Variants in VAT1L observed in about 807,000 individuals in gnomAD.
VAT1L encodes vesicle amine transport 1 like, also known as putative NADPH-dependent quinone oxidoreductase VAT1L.
A neutral mutation model predicts 44.1 loss-of-function variants in VAT1L; 34 were observed. The observed-to-expected ratio is 0.77, with a 90% CI of 0.59 to 1.03. VAT1L has a LOEUF of 1.03. Ranked by LOEUF, VAT1L falls within the 50% of genes least tolerant of loss-of-function variation. The pLI, the probability that VAT1L is intolerant of heterozygous loss-of-function variation, is 0.00. For synonymous variants in VAT1L, 253 were observed against 202.2 expected, an observed-to-expected ratio of 1.25 and a Z score of -2.13; for missense variants, 615 against 538.8, an observed-to-expected ratio of 1.14 and a Z score of -1.40.
At chr16:77,874,468 C>A (rs76505681) in intron 4 of VAT1L, among the ~76,000 whole-genome samples, 1 of 151,718 alleles carries the variant, frequency 6.6e-6, no homozygotes, top group Non-Finnish European at 1.5e-5. Context: ...CCAGCCCAAC[C>A]CGAAGCAAAC....
At chr16:77,806,845 G>T (rs566159390) in intron 1 of VAT1L, among the ~76,000 whole-genome samples, 39 of 152,070 alleles carry the variant, frequency 2.6e-4, no homozygotes, top group Non-Finnish European at 5.0e-4. Flanking sequence ...GTCCTTGGTG[G>T]CTCCAGGGAG....
intron 7 of VAT1L, among the ~76,000 whole-genome samples, chr16:77,904,379 A>C (rs982256873): frequency 6.6e-6 from 1 of 152,096 alleles, no homozygotes; most frequent in Non-Finnish European, 1.5e-5. Context: ...GAGTGGCTTA[A>C]ACAATAGAGA....
chr16:77,924,193 G>A (rs1329950410), intron 7 of VAT1L, among the ~76,000 whole-genome samples: 1 of 151,938 alleles, frequency 6.6e-6, no homozygotes, highest in Non-Finnish European at 1.5e-5. Context: ...GTCTTTGAAA[G>A]TCTGAAACTC....
chr16:77,955,729 C>A (rs2042986), intron 7 of VAT1L, among the ~76,000 whole-genome samples: 55,415 of 137,828 alleles, frequency 0.4, 11,665 homozygotes, highest in Non-Finnish European at 0.46. Flanking sequence ...TCCCCCCCCC[C>A]AAAAAAAAAA....
rs76192874 is a variant in VAT1L at position 77,968,251 on chromosome 16, A to G, written c.1078-3599A>G. Among the ~76,000 whole-genome samples, 1,364 of 152,224 alleles carry G rather than the reference A, an allele frequency of 9.0e-3. 22 individuals carry two copies. Among genetic ancestry groups the G allele is most frequent in the African/African-American group, 0.031 (1,295 of 41,516 alleles). ...GAAAGGGGTCCTGATCCAGACCCCA[A>G]GACAGGGCTCTTGGGTCTCACACAA... On this transcript the variant is annotated intron_variant, in intron 7 of 8. Coordinates refer to ENST00000302536, the MANE Select transcript of VAT1L (RefSeq NM_020927.3).
chr16:77,869,551 C>T (rs1466138985), intron 4 of VAT1L, among the ~76,000 whole-genome samples: 1 of 152,176 alleles, frequency 6.6e-6, no homozygotes, highest in Admixed American at 6.5e-5. Context: ...CACCTGTAGT[C>T]CCAGCTACTT....
chr16:77,898,524 C>T (rs187447508), intron 7 of VAT1L, among the ~76,000 whole-genome samples: 24 of 152,296 alleles, frequency 1.6e-4, no homozygotes, highest in Admixed American at 4.6e-4. Context: ...CATTTCTTTC[C>T]TAAGCCTTGC....
intron 7 of VAT1L, among the ~76,000 whole-genome samples, chr16:77,964,510 G>T (rs910442687): frequency 1.3e-5 from 2 of 152,104 alleles, no homozygotes; most frequent in Admixed American, 1.3e-4. Context: ...CCTTCCTCTT[G>T]CAAGAATCGT....
At chr16:77,815,968 CAAAAAAAAAAAAA>C (rs57312031) in intron 1 of VAT1L, among the ~76,000 whole-genome samples, 2 of 32,944 alleles carry the variant, frequency 6.1e-5, no homozygotes, top group Non-Finnish European at 1.1e-4. Context: ...AACTCTGTCT[CAAAAAAAAAAAAA>C]AAAAAAAAGT....
chr16:77,919,633 T>C (rs1467701433), intron 7 of VAT1L, among the ~76,000 whole-genome samples: 1 of 152,126 alleles, frequency 6.6e-6, no homozygotes, highest in East Asian at 1.9e-4. Flanking sequence ...AGAGGAGAGA[T>C]GACTGTGATA....
chr16:77,891,504 T>G (rs890359970), intron 7 of VAT1L, among the ~76,000 whole-genome samples: 2 of 152,010 alleles, frequency 1.3e-5, no homozygotes, highest in African/African-American at 4.8e-5. Flanking sequence ...TTTGGGGAGG[T>G]AGGAAAAACT....
intron 3 of VAT1L, among the ~76,000 whole-genome samples, chr16:77,838,131 G>A (rs983682702): frequency 5.3e-5 from 8 of 152,168 alleles, no homozygotes; most frequent in African/African-American, 1.4e-4. Context: ...AGACTTTAGG[G>A]AAAATTTAGC....
chr16:77,901,703 G>A (rs1054640698), intron 7 of VAT1L, among the ~76,000 whole-genome samples: 1 of 152,010 alleles, frequency 6.6e-6, no homozygotes, highest in Non-Finnish European at 1.5e-5. Flanking sequence ...ATCCCACTTG[G>A]CATCAGATCT....
chr16:77,802,354 C>T (rs1015309043), intron 1 of VAT1L, among the ~76,000 whole-genome samples: 2 of 152,102 alleles, frequency 1.3e-5, no homozygotes, highest in East Asian at 1.9e-4. Flanking sequence ...CCGTGGCCCA[C>T]GCCTGTAATC....
chr16:77,872,848 C>T, intron 4 of VAT1L, among the ~76,000 whole-genome samples: 1 of 152,194 alleles, frequency 6.6e-6, no homozygotes, highest in East Asian at 1.9e-4. Flanking sequence ...ACTCAGCATG[C>T]ACAGTGCCTA....
intron 2 of VAT1L, among the ~76,000 whole-genome samples, chr16:77,819,618 G>A (rs1462579422): frequency 6.6e-6 from 1 of 152,102 alleles, no homozygotes; most frequent in Non-Finnish European, 1.5e-5. Flanking sequence ...CCTGACCTCA[G>A]GTGATCCACC....
At chr16:77,883,987 G>A (rs879282120) in intron 6 of VAT1L, among the ~76,000 whole-genome samples, 3 of 152,076 alleles carry the variant, frequency 2.0e-5, no homozygotes, top group East Asian at 1.9e-4. Context: ...CACAGAGAAC[G>A]TTGTAGAGCC....
At chr16:77,838,268 T>C (rs995061629) in intron 3 of VAT1L, among the ~76,000 whole-genome samples, 2 of 152,184 alleles carry the variant, frequency 1.3e-5, no homozygotes, top group African/African-American at 4.8e-5. Flanking sequence ...CCACAGTTGC[T>C]TTTCAGATTA....
rs1046584876 is a variant in VAT1L, at chr16:77,979,668, C to T, written c.*1973C>T. 1 of 152,216 alleles carries T rather than the reference C, an allele frequency of 6.6e-6. No individual in the cohort carries two copies. The highest frequency in any genetic ancestry group is 6.5e-5 in the Admixed American group (1 of 15,278). 9.4% of individuals were successfully genotyped at this position (152,216 alleles called of 1,614,324 possible). A position where few individuals can be genotyped will look rare whatever the true frequency, so the allele number is the denominator to read the frequency against. ...TGTCCAGAGGAGAGGCATAAAAAGG[C>T]ACTCTCCCCCACCACCCCTACCAAA... On this transcript the variant is annotated 3_prime_UTR_variant, in exon 9 of 9. Coordinates refer to ENST00000302536, the MANE Select transcript of VAT1L (RefSeq NM_020927.3).
Sources: gnomAD v4.1 joint callset for allele counts (sites outside exome capture counted in the v4.1 genomes callset) on GRCh38, gnomAD v4.1.1 for gene constraint, MANE v1.5 for transcripts, NCBI Gene and HGNC (gene_info 2026-07-23, HGNC 2026-07-21) for gene names.